Variants in LARGE1 observed in about 807,000 individuals in gnomAD.
The protein encoded by LARGE1 is xylosyl- and glucuronyltransferase LARGE1.
LARGE1 carries 43 observed loss-of-function variants against 87.6 expected under a neutral mutation model. The ratio of observed to expected loss-of-function variants is 0.49; its 90% confidence interval spans 0.38 to 0.63. The LOEUF is 0.63. Ranked by LOEUF, LARGE1 falls within the 30% of genes least tolerant of loss-of-function variation. The pLI, the probability that LARGE1 is intolerant of heterozygous loss-of-function variation, is 0.00. For missense variants in LARGE1, 802 were observed against 1,000.2 expected (o/e 0.80, Z 2.67); for synonymous variants, 434 against 394.6 (o/e 1.10, Z -1.18).
chr22:33,713,241 A>G (rs2082792320), intron 2 of LARGE1, among the ~76,000 whole-genome samples: 2 of 151,472 alleles, frequency 1.3e-5, no homozygotes, highest in African/African-American at 4.8e-5. Flanking sequence ...TGATCATTAA[A>G]GGAATGGATA....
In LARGE1 at chr22:33,542,632, A is replaced by G. The variant is rs2077245315; in HGVS notation, c.787+22216T>C. Among the ~76,000 whole-genome samples, 7 of 150,872 alleles carry G rather than the reference A, an allele frequency of 4.6e-5. No individual in the cohort carries two copies. In the South Asian group the frequency reaches 1.5e-3, roughly 32 times the overall value. ...CACAGCCAGCAGGACTTACTGGAAG[A>G]TAAATGTAGGGTATGAGGACAAGAG... is the stretch of plus-strand genomic sequence containing the variant. On this transcript the variant is annotated intron_variant, in intron 6 of 14. Transcript: ENST00000397394.
intron 6 of LARGE1, among the ~76,000 whole-genome samples, chr22:33,498,540 T>A (rs981953442): frequency 6.6e-6 from 1 of 152,168 alleles, no homozygotes; most frequent in Non-Finnish European, 1.5e-5. Flanking sequence ...AACATACTCT[T>A]CTAAACACCT....
chr22:33,356,832 A>C (rs545656145), intron 9 of LARGE1, among the ~76,000 whole-genome samples: 1 of 152,172 alleles, frequency 6.6e-6, no homozygotes, highest in Non-Finnish European at 1.5e-5. Context: ...ACAAGACAGA[A>C]CAGAGGAGTA....
At chr22:33,500,601 C>CT (rs143191442) in intron 6 of LARGE1, among the ~76,000 whole-genome samples, 1 of 152,312 alleles carries the variant, frequency 6.6e-6, no homozygotes, top group East Asian at 1.9e-4. Flanking sequence ...CTGCCTGACT[C>CT]TAACTGCAGA....
intron 5 of LARGE1, among the ~76,000 whole-genome samples, chr22:33,566,815 G>A (rs945300923): frequency 6.6e-6 from 1 of 152,210 alleles, no homozygotes; most frequent in Non-Finnish European, 1.5e-5. Context: ...GCTAGACACA[G>A]AGCACTGATG....
intron 2 of LARGE1, among the ~76,000 whole-genome samples, chr22:33,702,939 G>C (rs898744294): frequency 4.6e-5 from 7 of 152,122 alleles, no homozygotes; most frequent in Non-Finnish European, 1.0e-4. Flanking sequence ...GGTTCTAAAG[G>C]GTGACTAGGA....
chr22:33,875,639 G>C (rs556141613), intron 1 of LARGE1, among the ~76,000 whole-genome samples: 5 of 152,064 alleles, frequency 3.3e-5, no homozygotes, highest in Non-Finnish European at 5.9e-5. Flanking sequence ...CGCAAAGCAG[G>C]TGACCGATGA....
chr22:33,428,502 A>G (rs1441361427), intron 7 of LARGE1, among the ~76,000 whole-genome samples: 1 of 151,102 alleles, frequency 6.6e-6, no homozygotes, highest in Non-Finnish European at 1.5e-5. Context: ...TTTAGTAGAG[A>G]TGGGGTTTCA....
At chr22:33,883,396 A>C (rs1270689462) in intron 1 of LARGE1, among the ~76,000 whole-genome samples, 5 of 152,204 alleles carry the variant, frequency 3.3e-5, no homozygotes, top group South Asian at 2.1e-4. Context: ...AAAGCCTTCC[A>C]GTACTGCTCC....
chr22:33,497,546 T>C (rs2070199677), intron 6 of LARGE1, among the ~76,000 whole-genome samples: 1 of 152,214 alleles, frequency 6.6e-6, no homozygotes, highest in Non-Finnish European at 1.5e-5. Context: ...GTCTTGTGCT[T>C]CAGTAGAGAT....
the LARGE1 span, among the ~76,000 whole-genome samples, chr22:33,099,563 T>C: frequency 2.0e-5 from 3 of 152,158 alleles, no homozygotes; most frequent in South Asian, 6.2e-4. Context: ...GGATGCTAAT[T>C]TAAAATAAGA....
chr22:33,512,307 A>G (rs2071093085), intron 6 of LARGE1, among the ~76,000 whole-genome samples: 1 of 152,240 alleles, frequency 6.6e-6, no homozygotes. Flanking sequence ...TACCAGAAAC[A>G]TCCTAACTGG....
At chr22:33,693,570 G>A (rs922592180) in intron 2 of LARGE1, among the ~76,000 whole-genome samples, 3 of 152,120 alleles carry the variant, frequency 2.0e-5, no homozygotes, top group Non-Finnish European at 2.9e-5. Flanking sequence ...TCACGCCTGT[G>A]ATCCCAGCCT....
At chr22:33,682,681 T>C (rs2081813247) in intron 2 of LARGE1, among the ~76,000 whole-genome samples, 1 of 152,238 alleles carries the variant, frequency 6.6e-6, no homozygotes, top group Non-Finnish European at 1.5e-5. Flanking sequence ...CCATGAATCT[T>C]TGAATTACTG....
chr22:33,484,794 A>G (rs1251561242), intron 6 of LARGE1, among the ~76,000 whole-genome samples: 1 of 151,212 alleles, frequency 6.6e-6, no homozygotes, highest in Non-Finnish European at 1.5e-5. Context: ...ACATCCTCTG[A>G]CCTCTCTTAC....
chr22:33,318,172 T>C (rs1187706924), intron 10 of LARGE1, among the ~76,000 whole-genome samples: 1 of 149,898 alleles, frequency 6.7e-6, no homozygotes, highest in Non-Finnish European at 1.5e-5. Context: ...GGGGCAGAGG[T>C]TGCAGTGAGC....
intron 1 of LARGE1, among the ~76,000 whole-genome samples, chr22:33,828,185 T>C (rs1268720336): frequency 6.6e-6 from 1 of 152,148 alleles, no homozygotes; most frequent in Non-Finnish European, 1.5e-5. Flanking sequence ...GTAGGACAGA[T>C]GGGGTAATTC....
chr22:33,146,090 T>C, the LARGE1 span, among the ~76,000 whole-genome samples: 3 of 152,148 alleles, frequency 2.0e-5, no homozygotes, highest in Non-Finnish European at 4.4e-5. Context: ...TAAACCTGTT[T>C]TGAGAATTAA....
chr22:33,546,751 T>G (rs2077370668), intron 6 of LARGE1, among the ~76,000 whole-genome samples: 1 of 152,120 alleles, frequency 6.6e-6, no homozygotes, highest in African/African-American at 2.4e-5. Context: ...ATCTGACTAA[T>G]TTTTGTATTT....
Sources: gnomAD v4.1 joint callset for allele counts (sites outside exome capture counted in the v4.1 genomes callset) on GRCh38, gnomAD v4.1.1 for gene constraint, MANE v1.5 for transcripts, NCBI Gene and HGNC (gene_info 2026-07-23, HGNC 2026-07-21) for gene names.